Variants in UBL7 observed in about 807,000 individuals in gnomAD.
UBL7 encodes ubiquitin-like protein 7.
Under a neutral mutation model 41.7 loss-of-function variants are expected in UBL7, and 21 were observed. The ratio of observed to expected loss-of-function variants is 0.50; its 90% CI spans 0.36 to 0.73. The LOEUF is 0.73. Among genes scored for constraint, UBL7 ranks in the 30% least tolerant of loss-of-function variants. The pLI, the probability that UBL7 is intolerant of heterozygous loss-of-function variation, is 0.00. For synonymous variants in UBL7, 157 were observed against 186.9 expected (o/e 0.84, Z 1.31); for missense variants, 403 against 478.4 (o/e 0.84, Z 1.47).
chr15:74,452,032 G>C lies in UBL7; in HGVS notation c.387+264C>G, dbSNP rs546644658. On this transcript the variant is annotated intron_variant, in intron 4 of 10. Coordinates refer to ENST00000395081, the MANE Select transcript of UBL7 (RefSeq NM_032907.5). The stretch of plus-strand genomic sequence containing the variant: ...AGCCAAAGTCGAAGAATGAGGCCCA[G>C]CAGAAACAGTATGAGGATCTTTTGG... 1.4e-3 allele frequency among the ~76,000 whole-genome samples: 218 copies of C among 152,290 alleles called. 2 individuals are homozygous for C. The highest frequency in any genetic ancestry group is 4.7e-3 in the African/African-American group (194 of 41,548).
At chr15:74,460,132 C>T (rs2061335032) in intron 1 of UBL7, among the ~76,000 whole-genome samples, 1 of 151,716 alleles carries the variant, frequency 6.6e-6, no homozygotes, top group African/African-American at 2.4e-5. Flanking sequence ...ATCCCAGCTA[C>T]TTGAGAGGCT....
intron 9 of UBL7, among the ~76,000 whole-genome samples, chr15:74,448,805 C>T (rs2141311029): frequency 6.6e-6 from 1 of 152,266 alleles, no homozygotes; most frequent in Non-Finnish European, 1.5e-5. Flanking sequence ...TGCACTGAGC[C>T]CCTTGTCCCA....
At chr15:74,460,191 G>A (rs955492746) in intron 1 of UBL7, among the ~76,000 whole-genome samples, 3 of 152,004 alleles carry the variant, frequency 2.0e-5, no homozygotes. Context: ...GCAGTGAGCC[G>A]AGATAGCGCC....
chr15:74,455,479 C>A (rs2061285283), intron 3 of UBL7, among the ~76,000 whole-genome samples: 1 of 152,136 alleles, frequency 6.6e-6, no homozygotes, highest in African/African-American at 2.4e-5. Flanking sequence ...GCTAACTGAA[C>A]AAATCACCAC....
At chr15:74,450,209 C>A in intron 6 of UBL7, 140 bp from the exon 7 acceptor site, 3 of 1,106,716 alleles carry the variant, frequency 2.7e-6, no homozygotes, top group Non-Finnish European at 3.7e-6. Context: ...CATCTTCCAC[C>A]AGGAAGCTTT....
At chr15:74,448,424 G>C (rs2061206384) in intron 10 of UBL7, 54 bp downstream of exon 10, 1 of 1,607,484 alleles carries the variant, frequency 6.2e-7, no homozygotes, top group East Asian at 2.2e-5. Flanking sequence ...CAAAGGCTGG[G>C]CATCCAAAAT....
At chr15:74,460,771 A>C in intron 1 of UBL7, 1 of 1,278,150 alleles carries the variant, frequency 7.8e-7, no homozygotes, top group Non-Finnish European at 1.0e-6. Context: ...TTGCTTCCAA[A>C]GAGACCTCTG....
Position 74,458,719 on chromosome 15 carries a change from T to C in UBL7, c.149A>G (p.Lys50Arg). 1 of 1,614,108 alleles carries C rather than the reference T, an allele frequency of 6.2e-7. No individual in the cohort carries two copies. Among genetic ancestry groups the C allele is most frequent in the Non-Finnish European group, 8.5e-7 (1 of 1,180,044 alleles). ...ISFLKQLIAGKLQESVPDPEL... is the reference protein window; with the variant it reads ...ISFLKQLIAGRLQESVPDPEL... ...AGGGTCTGGAACAGACTCCTGGAGT[T>C]TGCCAGCAATAAGCTGCTTCAGAAA... The change falls in exon 2 of 11, where the codon AAA becomes AGA. Residue 50 changes from lysine to arginine, a missense_variant. Lys to Arg is a conservative substitution (Grantham distance 26). Transcript: ENST00000395081.
At chr15:74,449,586 C>A in intron 8 of UBL7, 40 bp downstream of exon 8, 1 of 1,613,936 alleles carries the variant, frequency 6.2e-7, no homozygotes, top group Non-Finnish European at 8.5e-7. Flanking sequence ...ACCATCTCCC[C>A]CACATGTCAG....
At chr15:74,447,788 T>C (rs2061198880) in intron 10 of UBL7, among the ~76,000 whole-genome samples, 2 of 152,122 alleles carry the variant, frequency 1.3e-5, no homozygotes, top group Admixed American at 6.5e-5. Flanking sequence ...TCTCCGCAGG[T>C]TGGCATGCAA....
At position 74,448,598 on chromosome 15, in the gene UBL7, A is replaced by C; in HGVS notation, c.885T>G (p.Gly295=). The stretch of plus-strand genomic sequence containing the variant: ...ACATTGGTGAGGTCCCTGAGGAATG[A>C]CCCTAGAGACAAATTAGTGGTCAGT... ...SSHTPTPGTQ[G]HSSGTSPMSS... is the part of the protein sequence containing the mutation. Residue 295 remains glycine, a splice_region_variant and synonymous_variant, in exon 10 of 11, where the codon GGT becomes GGG. Transcript: ENST00000395081. 1.2e-6 allele frequency: 2 copies of C among 1,613,770 alleles called. No individual in the cohort carries two copies. Among genetic ancestry groups the C allele is most frequent in the Non-Finnish European group, 1.7e-6 (2 of 1,179,830 alleles).
Position 74,458,859 on chromosome 15 carries a change from G to A in UBL7, c.9C>T (p.Leu3=). ...GCTTCACCGCCAGGTGCCAGTCTGA[G>A]AGAGACATCCTCTCTCTTTCGCGCT... MS[L]SDWHLAVKLA... is the part of the protein sequence containing the mutation. Residue 3 remains leucine, a synonymous_variant, in exon 2 of 11, where the codon CTC becomes CTT. Coordinates refer to ENST00000395081, the MANE Select transcript of UBL7 (RefSeq NM_032907.5). 1 of 1,611,016 alleles carries A rather than the reference G, an allele frequency of 6.2e-7. No homozygotes were observed. The highest frequency in any genetic ancestry group is 1.3e-5 in the African/African-American group (1 of 75,068).
intron 1 of UBL7, 35 bp from the exon 2 acceptor site, chr15:74,458,931 A>T (rs1384532913): frequency 6.3e-7 from 1 of 1,585,422 alleles, no homozygotes; most frequent in Non-Finnish European, 8.6e-7. Flanking sequence ...GTTAAAAGAC[A>T]GACCACCACT....
intron 6 of UBL7, 36 bp downstream of exon 6, chr15:74,450,766 A>T (rs1282820183): frequency 6.2e-7 from 1 of 1,609,826 alleles, no homozygotes; most frequent in Non-Finnish European, 8.5e-7. Context: ...GCACGAGGAG[A>T]GAGAAGGTAC....
chr15:74,461,187 C>T (rs2061346885), upstream of UBL7: 16 of 988,496 alleles, frequency 1.6e-5, no homozygotes, highest in South Asian at 5.0e-4. Flanking sequence ...ACCGGAAATT[C>T]CGCGCTGCAT....
chr15:74,456,444 G>T (rs1168602763), intron 3 of UBL7, 108 bp downstream of exon 3: 1 of 1,416,882 alleles, frequency 7.1e-7, no homozygotes. Context: ...CATCAGCTCA[G>T]TAAATCATCC....
In UBL7 at chr15:74,461,132, G is replaced by C. The variant is rs922612210; in HGVS notation, c.-125C>G. Reference sequence around the variant, plus strand: ...CCCGTCCCGCGGAAGGAACCCGGCCGCACTGCCGCCGGTGTAAACACTCAC... The same window carrying C: ...CCCGTCCCGCGGAAGGAACCCGGCCCCACTGCCGCCGGTGTAAACACTCAC... On this transcript the variant is annotated 5_prime_UTR_variant, in exon 1 of 11. Transcript: ENST00000395081. 2.0e-6 allele frequency: 2 copies of C among 996,572 alleles called. No individual in the cohort carries two copies. The highest frequency in any genetic ancestry group is 2.4e-6 in the Non-Finnish European group (2 of 835,524). The allele number at this position is 996,572 out of a possible 1,614,324, so 61.7% of individuals were successfully genotyped here.
intron 6 of UBL7, 91 bp downstream of exon 6, chr15:74,450,711 G>T: frequency 1.4e-6 from 2 of 1,401,584 alleles, no homozygotes; most frequent in Admixed American, 1.7e-5. Context: ...CTATGGATGG[G>T]CTCCCAGAGC....
intron 3 of UBL7, among the ~76,000 whole-genome samples, chr15:74,453,620 C>T (rs998621189): frequency 2.0e-5 from 3 of 152,226 alleles, no homozygotes; most frequent in African/African-American, 7.2e-5. Context: ...GCAAGTCATT[C>T]TTTGTGGCTG....
Sources: allele counts gnomAD v4.1 joint callset (sites outside exome capture counted in the v4.1 genomes callset), GRCh38; gene constraint gnomAD v4.1.1; transcripts MANE v1.5; gene names NCBI Gene and HGNC (gene_info 2026-07-23, HGNC 2026-07-21).